Variants in ESR1 observed in about 807,000 individuals in gnomAD.
ESR1 encodes the protein estrogen receptor.
ESR1 carries 12 observed loss-of-function variants against 52.7 expected under a neutral mutation model. That is an observed-to-expected ratio of 0.23 (90% CI 0.15 to 0.37). ESR1 has a LOEUF of 0.37. Among genes scored for constraint, ESR1 ranks in the 10% least tolerant of loss-of-function variants. The probability of loss-of-function intolerance (pLI) is 1.00; values close to 1 mark genes in which losing one functional copy is unlikely to be tolerated. For synonymous variants in ESR1, 305 were observed against 316.8 expected (o/e 0.96, Z 0.39); for missense variants, 584 against 779.7 (o/e 0.75, Z 2.99).
At chr6:152,110,624 C>T (rs970441655) in intron 6 of ESR1, among the ~76,000 whole-genome samples, 3 of 152,128 alleles carry the variant, frequency 2.0e-5, no homozygotes, top group African/African-American at 4.8e-5. Flanking sequence ...GCCAAACCCC[C>T]ATGACACACA....
At chr6:151,965,100 A>G (rs993825618) in intron 4 of ESR1, among the ~76,000 whole-genome samples, 1 of 152,214 alleles carries the variant, frequency 6.6e-6, no homozygotes, top group African/African-American at 2.4e-5. Flanking sequence ...ATCTGCTTCC[A>G]GATTTTTTCT....
intron 5 of ESR1, among the ~76,000 whole-genome samples, chr6:152,013,344 C>T (rs950971268): frequency 1.3e-5 from 2 of 152,106 alleles, no homozygotes; most frequent in African/African-American, 2.4e-5. Context: ...CCACACGTAA[C>T]ATTTCCCTGC....
At chr6:152,010,785 G>A (rs1339145449) in intron 4 of ESR1, among the ~76,000 whole-genome samples, 1 of 152,064 alleles carries the variant, frequency 6.6e-6, no homozygotes, top group Non-Finnish European at 1.5e-5. Context: ...TCTTCAGGTT[G>A]TTGTATTCAT....
intron 1 of ESR1, among the ~76,000 whole-genome samples, chr6:151,678,018 C>T (rs1332702086): frequency 1.3e-5 from 2 of 152,064 alleles, no homozygotes; most frequent in Non-Finnish European, 2.9e-5. Context: ...ACATGGTGGC[C>T]TGAGCAATTG....
chr6:151,845,297 G>A lies in ESR1; in HGVS notation c.643+2510G>A, dbSNP rs188944649. Among the ~76,000 whole-genome samples the A allele has an allele frequency of 4.6e-5, 7 of 152,282 alleles. No individual in the cohort carries two copies. In the South Asian group the frequency reaches 6.2e-4, roughly 14 times the overall value. Reference sequence around the variant, plus strand: ...GTTAAAAACAAGTATCTCAGCTGGCGTGGTGGCTCAGGCCTGTAACCCCAG... The same window carrying A: ...GTTAAAAACAAGTATCTCAGCTGGCATGGTGGCTCAGGCCTGTAACCCCAG... On this transcript the variant is annotated intron_variant, in intron 2 of 7. Coordinates refer to ENST00000206249, the MANE Select transcript of ESR1 (RefSeq NM_000125.4).
At chr6:151,953,620 C>CT (rs1303484656) in intron 4 of ESR1, among the ~76,000 whole-genome samples, 1 of 151,872 alleles carries the variant, frequency 6.6e-6, no homozygotes. Flanking sequence ...ACTCGGGAGG[C>CT]TGAGCGGGGA....
At chr6:151,891,541 A>G (rs1794700444) in intron 3 of ESR1, among the ~76,000 whole-genome samples, 1 of 152,170 alleles carries the variant, frequency 6.6e-6, no homozygotes, top group Admixed American at 6.5e-5. Context: ...TTAGAGCTGA[A>G]AAGAACTTAA....
intron 6 of ESR1, among the ~76,000 whole-genome samples, chr6:152,091,843 A>G (rs565499913): frequency 5.9e-5 from 9 of 152,322 alleles, no homozygotes; most frequent in African/African-American, 1.9e-4. Context: ...CTTGAACAAG[A>G]AAGGGATTAT....
At chr6:152,044,611 A>T (rs898453490) in intron 5 of ESR1, among the ~76,000 whole-genome samples, 1 of 152,228 alleles carries the variant, frequency 6.6e-6, no homozygotes, top group Non-Finnish European at 1.5e-5. Context: ...GGCCCCTGGC[A>T]AACCACTGGT....
At chr6:152,057,443 G>T (rs2047188699) in intron 5 of ESR1, among the ~76,000 whole-genome samples, 1 of 152,126 alleles carries the variant, frequency 6.6e-6, no homozygotes, top group Non-Finnish European at 1.5e-5. Flanking sequence ...GAAAAACAGG[G>T]TGATTTTATT....
At chr6:151,774,395 G>C (rs539687532) in intron 2 of ESR1, among the ~76,000 whole-genome samples, 1 of 152,340 alleles carries the variant, frequency 6.6e-6, no homozygotes, top group South Asian at 2.1e-4. Context: ...TATGTTGTTT[G>C]AACTTTTCTG....
intron 4 of ESR1, among the ~76,000 whole-genome samples, chr6:151,967,708 G>T (rs935202423): frequency 6.6e-6 from 1 of 152,150 alleles, no homozygotes; most frequent in African/African-American, 2.4e-5. Flanking sequence ...CCAGTAATGG[G>T]ATTGCTGGGT....
chr6:152,085,510 A>G (rs2049632577), intron 6 of ESR1, among the ~76,000 whole-genome samples: 1 of 152,092 alleles, frequency 6.6e-6, no homozygotes, highest in African/African-American at 2.4e-5. Context: ...AGAGTCGTCA[A>G]CCAGGGGTAA....
intron 2 of ESR1, among the ~76,000 whole-genome samples, chr6:151,721,451 ATAAT>A (rs1309359603): frequency 6.6e-6 from 1 of 152,220 alleles, no homozygotes; most frequent in Non-Finnish European, 1.5e-5. Flanking sequence ...AACATGATGG[ATAAT>A]TGATGGAGCG....
intron 2 of ESR1, among the ~76,000 whole-genome samples, chr6:151,855,922 A>G (rs1432149116): frequency 6.6e-6 from 1 of 152,182 alleles, no homozygotes; most frequent in Non-Finnish European, 1.5e-5. Context: ...TAGTCATTGC[A>G]TGCTCAATTC....
intron 2 of ESR1, among the ~76,000 whole-genome samples, chr6:151,873,978 T>C (rs867826527): frequency 8.5e-5 from 13 of 152,344 alleles, no homozygotes; most frequent in South Asian, 2.1e-4. Context: ...GTATAAAAAA[T>C]AGGACTTCGA....
At chr6:151,853,808 T>C (rs1388172215) in intron 2 of ESR1, among the ~76,000 whole-genome samples, 2 of 152,236 alleles carry the variant, frequency 1.3e-5, no homozygotes, top group Admixed American at 6.5e-5. Flanking sequence ...TCTGTCCTGG[T>C]CATGCCATTG....
chr6:151,810,656 G>A (rs1399101360), intron 1 of ESR1, among the ~76,000 whole-genome samples: 1 of 152,164 alleles, frequency 6.6e-6, no homozygotes, highest in African/African-American at 2.4e-5. Flanking sequence ...TTTTTAAAAG[G>A]ACTAAAATGG....
At chr6:151,899,508 G>A (rs557427197) in intron 3 of ESR1, among the ~76,000 whole-genome samples, 12 of 143,352 alleles carry the variant, frequency 8.4e-5, no homozygotes, top group Admixed American at 2.7e-4. Context: ...CGGACGGGGC[G>A]GCTGGCCGGG....
Sources: allele counts gnomAD v4.1 joint callset (sites outside exome capture counted in the v4.1 genomes callset), GRCh38; gene constraint gnomAD v4.1.1; transcripts MANE v1.5; gene names NCBI Gene and HGNC (gene_info 2026-07-23, HGNC 2026-07-21).